Variants in SLC5A5 observed in about 807,000 individuals in gnomAD.
SLC5A5 encodes the protein sodium/iodide cotransporter.
Under a neutral mutation model 68.6 loss-of-function variants are expected in SLC5A5, and 56 were observed. That is an observed-to-expected ratio of 0.82 (90% CI 0.66 to 1.02). SLC5A5 has a LOEUF of 1.02. SLC5A5 is among the 50% of genes least tolerant of loss of function. The probability of loss-of-function intolerance (pLI) is 0.00; values close to 1 mark genes in which losing one functional copy is unlikely to be tolerated. For synonymous variants in SLC5A5, 398 were observed against 373.0 expected, an observed-to-expected ratio of 1.07 and a Z score of -0.77; for missense variants, 807 against 859.8, an observed-to-expected ratio of 0.94 and a Z score of 0.77.
At chr19:17,887,798 G>A (rs2029980359) in intron 12 of SLC5A5, among the ~76,000 whole-genome samples, 1 of 151,290 alleles carries the variant, frequency 6.6e-6, no homozygotes, top group Non-Finnish European at 1.5e-5. Context: ...AGTAGAGACA[G>A]GGTTTCACCA....
chr19:17,877,940 G>A (rs1225224068), intron 6 of SLC5A5, 24 bp from the exon 7 acceptor site: 1 of 1,613,534 alleles, frequency 6.2e-7, no homozygotes. Context: ...TATCCCCTAA[G>A]CCTGAGGCTG....
intron 5 of SLC5A5, 27 bp from the exon 6 acceptor site, chr19:17,877,696 T>A (rs752541982): frequency 6.2e-7 from 1 of 1,613,600 alleles, no homozygotes; most frequent in South Asian, 1.1e-5. Flanking sequence ...CATCTCCACG[T>A]GGCTAACTTG....
At chr19:17,874,252 C>A in intron 2 of SLC5A5, 49 bp downstream of exon 2, 1 of 1,325,346 alleles carries the variant, frequency 7.5e-7, no homozygotes, top group Non-Finnish European at 1.1e-6. Flanking sequence ...AGAGCGTCAG[C>A]CTTCACTAGC....
chr19:17,886,362 CAGTGGTG>C (rs1182452873), intron 12 of SLC5A5, among the ~76,000 whole-genome samples: 1 of 148,424 alleles, frequency 6.7e-6, no homozygotes, highest in Non-Finnish European at 1.5e-5. Flanking sequence ...GGCTGGAGTG[CAGTGGTG>C]TGATCTCCAC....
intron 8 of SLC5A5, 66 bp from the exon 9 acceptor site, chr19:17,881,894 C>A: frequency 7.8e-7 from 1 of 1,280,970 alleles, no homozygotes; most frequent in Non-Finnish European, 1.1e-6. Context: ...TGAGGTCTGG[C>A]AGGCCAGATG....
chr19:17,878,362 G>A (rs2094312565), intron 7 of SLC5A5, among the ~76,000 whole-genome samples: 1 of 152,028 alleles, frequency 6.6e-6, no homozygotes, highest in South Asian at 2.1e-4. Flanking sequence ...AAAATTAGCT[G>A]GACGTGGTGG....
intron 13 of SLC5A5, 90 bp from the exon 14 acceptor site, chr19:17,890,796 A>C: frequency 1.1e-6 from 1 of 879,306 alleles, no homozygotes; most frequent in Non-Finnish European, 1.9e-6. Flanking sequence ...TAGACCAGGG[A>C]TCTCCTTTCT....
intron 14 of SLC5A5, among the ~76,000 whole-genome samples, chr19:17,891,236 C>G (rs1022112580): frequency 2.0e-5 from 3 of 151,994 alleles, no homozygotes; most frequent in Non-Finnish European, 4.4e-5. Flanking sequence ...GACAGAGTCT[C>G]GCTCTGTTGC....
chr19:17,889,413 A>AGAAAGAAG (rs1555754784), intron 13 of SLC5A5, among the ~76,000 whole-genome samples: 28 of 137,726 alleles, frequency 2.0e-4, no homozygotes, highest in African/African-American at 8.6e-4. Flanking sequence ...AAAGAAAGAA[A>AGAAAGAAG]GAAGGAAGGA....
In SLC5A5 at chr19:17,883,698, G is replaced by A. The variant is rs548606009; in HGVS notation, c.1260G>A (p.Met420Ile). 12 of 1,613,728 alleles carry A rather than the reference G, an allele frequency of 7.4e-6. No individual in the cohort carries two copies. In the Admixed American group the frequency reaches 1.3e-4, roughly 18 times the overall value. The part of the protein sequence containing the change: ...GGVLQGSFTV[M>I]GVISGPLLGA... ...TCTCCCAGGGCTCCTTCACCGTCAT[G>A]GGAGTCATCAGCGGCCCCCTGCTGG... The change falls in exon 11 of 15, where the codon ATG (methionine) becomes ATA (isoleucine). Residue 420 changes from methionine to isoleucine, a missense_variant. Coordinates refer to ENST00000222248, the MANE Select transcript of SLC5A5 (RefSeq NM_000453.3).
chr19:17,892,652 C>CAG (rs58081153), intron 14 of SLC5A5, among the ~76,000 whole-genome samples: 11,255 of 97,234 alleles, frequency 0.12, 1,010 homozygotes, highest in Middle Eastern at 0.15. Flanking sequence ...AAAGAAAAGA[C>CAG]AGAGAGAGAG....
At chr19:17,890,715 T>C (rs2030132318) in intron 13 of SLC5A5, among the ~76,000 whole-genome samples, 171 bp from the exon 14 acceptor site, 1 of 152,094 alleles carries the variant, frequency 6.6e-6, no homozygotes, top group Non-Finnish European at 1.5e-5. Flanking sequence ...AACTTCACTG[T>C]GTAGATGAGG....
chr19:17,874,400 G>T, intron 2 of SLC5A5, 94 bp from the exon 3 acceptor site: 6 of 1,222,140 alleles, frequency 4.9e-6, no homozygotes, highest in Non-Finnish European at 7.1e-6. Flanking sequence ...TATCTGCCCC[G>T]CCCATATTCT....
chr19:17,884,042 C>A lies in SLC5A5; in HGVS notation c.1522C>A (p.Pro508Thr). Residue 508 changes from proline to threonine, a missense_variant, in exon 12 of 15, where the codon CCC (proline) becomes ACC (threonine). Coordinates refer to ENST00000222248, the MANE Select transcript of SLC5A5 (RefSeq NM_000453.3). ...CCCTGCTAACGACTCCAGCAGGGCC[C>A]CCAGGTGAGCAGACTTGAGGGTAGG... ...LLPANDSSRA[P>T]SSGMDASRPA... is the part of the protein sequence containing the mutation. 1 of 1,562,238 alleles carries A rather than the reference C, an allele frequency of 6.4e-7. No homozygotes were observed. The highest frequency in any genetic ancestry group is 1.9e-5 in the Admixed American group (1 of 52,332).
rs777992811 is a variant in SLC5A5, at chr19:17,882,209, G to T, written c.1232G>T (p.Gly411Val). ...VAALSSLLGGGVLQGSFTVMG... is the reference protein window; with the variant it reads ...VAALSSLLGGVVLQGSFTVMG... ...GCCCTGTCCTCACTGCTCGGAGGAG[G>T]TGTCCTTCAGGTGAGACCCCACCTG... The change falls in exon 10 of 15, where the codon GGT (glycine) becomes GTT (valine). Residue 411 changes from glycine to valine, a missense_variant. By Grantham distance (109) the Gly-to-Val change is moderately radical (BLOSUM62 -3). Transcript: ENST00000222248. 6.2e-7 allele frequency: 1 copy of T among 1,613,536 alleles called. No individual in the cohort carries two copies. Among genetic ancestry groups the T allele is most frequent in the Non-Finnish European group, 8.5e-7 (1 of 1,179,808 alleles).
Position 17,893,777 on chromosome 19 carries a change from G to A in SLC5A5, c.1832G>A (p.Arg611His), listed in dbSNP as rs778681041. 15 of 1,613,520 alleles carry A rather than the reference G, an allele frequency of 9.3e-6. No individual in the cohort carries two copies. Among genetic ancestry groups the A allele is most frequent in the Middle Eastern group, 3.3e-4 (2 of 6,084 alleles). ...GGCTTCCTGCCCACCAATGAGGATC[G>A]TCTGTTTTTCTTGGGGCAGAAGGAG... ...PPGFLPTNED[R>H]LFFLGQKELE... The change falls in exon 15 of 15, where the codon CGT becomes CAT. Residue 611 changes from arginine (R) to histidine (H), a missense_variant. Arg to His is a conservative substitution (Grantham distance 29, BLOSUM62 0). Coordinates refer to ENST00000222248, the MANE Select transcript of SLC5A5 (RefSeq NM_000453.3).
At chr19:17,877,498 G>A (rs2094310197) in intron 5 of SLC5A5, among the ~76,000 whole-genome samples, 1 of 152,044 alleles carries the variant, frequency 6.6e-6, no homozygotes, top group African/African-American at 2.4e-5. Flanking sequence ...TTATAGAGAT[G>A]GGGTTTCACC....
At chr19:17,881,381 C>T (rs1394828850) in intron 8 of SLC5A5, among the ~76,000 whole-genome samples, 1 of 152,126 alleles carries the variant, frequency 6.6e-6, no homozygotes, top group Non-Finnish European at 1.5e-5. Flanking sequence ...ATTCTCCTGC[C>T]TCAGCCTCCC....
intron 14 of SLC5A5, among the ~76,000 whole-genome samples, chr19:17,892,049 G>A (rs888988383): frequency 2.0e-5 from 3 of 152,154 alleles, no homozygotes; most frequent in African/African-American, 7.2e-5. Context: ...TGTAATCCCA[G>A]CACTTTGGGA....
Sources: gnomAD v4.1 joint callset for allele counts (sites outside exome capture counted in the v4.1 genomes callset) on GRCh38, gnomAD v4.1.1 for gene constraint, MANE v1.5 for transcripts, NCBI Gene and HGNC (gene_info 2026-07-23, HGNC 2026-07-21) for gene names.